PDE10A: variants seen among roughly 807,000 people sequenced by gnomAD.
PDE10A encodes the protein phosphodiesterase 10A, also known as cAMP and cAMP-inhibited cGMP 3',5'-cyclic phosphodiesterase 10A.
A neutral mutation model predicts 97.7 loss-of-function variants in PDE10A; 39 were observed. That is an observed-to-expected ratio of 0.40 (90% CI 0.31 to 0.52). The LOEUF (loss-of-function observed/expected upper bound fraction) is 0.52. Ranked by LOEUF, PDE10A falls within the 20% of genes least tolerant of loss-of-function variation. PDE10A has a pLI of 0.56. For missense variants in PDE10A, 731 were observed against 1,047.8 expected (o/e 0.70, Z 4.17); for synonymous variants, 371 against 376.8 (o/e 0.98, Z 0.18).
chr6:165,821,025 T>C (rs1779553219), intron 1 of PDE10A, among the ~76,000 whole-genome samples: 1 of 152,216 alleles, frequency 6.6e-6, no homozygotes, highest in African/African-American at 2.4e-5. Context: ...CTCAGAAACA[T>C]ACATTGCACG....
At chr6:165,872,141 G>A (rs1781221394) in intron 1 of PDE10A, among the ~76,000 whole-genome samples, 1 of 152,138 alleles carries the variant, frequency 6.6e-6, no homozygotes, top group Non-Finnish European at 1.5e-5. Flanking sequence ...AAACAACTTA[G>A]TACATGTTTC....
intron 1 of PDE10A, among the ~76,000 whole-genome samples, chr6:165,633,691 G>A (rs1467600629): frequency 1.3e-5 from 2 of 151,924 alleles, no homozygotes; most frequent in East Asian, 1.9e-4. Context: ...GCGGTGGCAC[G>A]ATCTCAGCTC....
chr6:165,642,733 C>T (rs1341414745), intron 1 of PDE10A, among the ~76,000 whole-genome samples: 1 of 152,204 alleles, frequency 6.6e-6, no homozygotes, highest in African/African-American at 2.4e-5. Flanking sequence ...CGCTACACAG[C>T]CTAGGTAATT....
chr6:165,895,480 C>G (rs1432018636), intron 1 of PDE10A, among the ~76,000 whole-genome samples: 1 of 152,214 alleles, frequency 6.6e-6, no homozygotes, highest in Non-Finnish European at 1.5e-5. Flanking sequence ...ACCTCAATCT[C>G]AGACTTCTGG....
Position 165,756,535 on chromosome 6 carries a change from T to C in PDE10A, c.-614-212967A>G, listed in dbSNP as rs1583043343. 4.6e-5 allele frequency among the ~76,000 whole-genome samples: 7 copies of C among 152,340 alleles called. 2 individuals are homozygous for C. The highest frequency in any genetic ancestry group is 4.6e-4 in the Admixed American group (7 of 15,310). ...GCTGTTTTGAATCATTGTATTTTTC[T>C]TTTAATATTGTATCTTTGAGATCTT... On this transcript the variant is annotated intron_variant, in intron 1 of 19. Transcript: ENST00000366882.
chr6:165,421,877 C>T (rs552750154), intron 10 of PDE10A, among the ~76,000 whole-genome samples: 2 of 152,254 alleles, frequency 1.3e-5, no homozygotes, highest in South Asian at 4.1e-4. Flanking sequence ...GCTTGGGCAA[C>T]ATGGCAAAAC....
chr6:165,431,312 T>C (rs1289149223), intron 8 of PDE10A, 110 bp downstream of exon 8: 6 of 577,318 alleles, frequency 1.0e-5, no homozygotes, highest in East Asian at 3.0e-5. Context: ...AATTGTAATA[T>C]CCCAAAATAA....
At chr6:165,356,154 A>G (rs537462708) in intron 18 of PDE10A, among the ~76,000 whole-genome samples, 1 of 152,278 alleles carries the variant, frequency 6.6e-6, no homozygotes, top group East Asian at 1.9e-4. Context: ...CCATGACTCA[A>G]TCACCGCTCA....
chr6:165,519,468 A>G (rs1200338866), intron 2 of PDE10A, among the ~76,000 whole-genome samples: 2 of 151,976 alleles, frequency 1.3e-5, no homozygotes, highest in African/African-American at 4.8e-5. Context: ...AGGAGAGGAA[A>G]AAAAAAAAAC....
intron 1 of PDE10A, among the ~76,000 whole-genome samples, chr6:165,782,549 T>C (rs1562734194): frequency 6.6e-6 from 1 of 152,198 alleles, no homozygotes; most frequent in Non-Finnish European, 1.5e-5. Flanking sequence ...TATTTTTCAT[T>C]TGACCTTCAG....
chr6:165,981,668 A>G lies in PDE10A; in HGVS notation c.-615+5861T>C, dbSNP rs1194752295. 3.9e-5 allele frequency among the ~76,000 whole-genome samples: 6 copies of G among 152,326 alleles called. No individual in the cohort carries two copies. The East Asian group carries it at 1.2e-3, about 29-fold the overall frequency. On this transcript the variant is annotated intron_variant, in intron 1 of 19. Transcript: ENST00000366882. The stretch of plus-strand genomic sequence containing the variant: ...GTAATGGCCTTTCTGGTTTGAAGCC[A>G]AAGAAACTATCACAAGAACTTTAAA...
At chr6:165,956,084 T>C (rs1784127398) in intron 1 of PDE10A, among the ~76,000 whole-genome samples, 1 of 152,226 alleles carries the variant, frequency 6.6e-6, no homozygotes, top group South Asian at 2.1e-4. Context: ...AACTTTAAAA[T>C]GTCTGATACT....
At chr6:165,767,190 G>T (rs1369558867) in intron 1 of PDE10A, among the ~76,000 whole-genome samples, 1 of 151,950 alleles carries the variant, frequency 6.6e-6, no homozygotes, top group African/African-American at 2.4e-5. Context: ...AGGTGGCACC[G>T]AAAAAAAGTG....
intron 18 of PDE10A, among the ~76,000 whole-genome samples, chr6:165,360,724 ACT>A (rs1171575681): frequency 6.6e-6 from 1 of 152,108 alleles, no homozygotes; most frequent in African/African-American, 2.4e-5. Flanking sequence ...TATTTGACTG[ACT>A]CTGTCTGTAA....
chr6:165,367,502 G>A (rs1251224929), intron 18 of PDE10A, among the ~76,000 whole-genome samples: 1 of 152,032 alleles, frequency 6.6e-6, no homozygotes, highest in African/African-American at 2.4e-5. Flanking sequence ...CTGAAGAAAT[G>A]TAATGCTTGA....
At chr6:165,788,008 T>C (rs544609901) in intron 1 of PDE10A, among the ~76,000 whole-genome samples, 17 of 152,340 alleles carry the variant, frequency 1.1e-4, no homozygotes, top group Admixed American at 3.3e-4. Context: ...GTGTGATGTA[T>C]AGACATTCAT....
intron 1 of PDE10A, among the ~76,000 whole-genome samples, chr6:165,589,909 A>T (rs2987295): frequency 0.8 from 121,993 of 152,182 alleles, 51,698 homozygotes; most frequent in Non-Finnish European, 0.95. Flanking sequence ...CTACCTTTAA[A>T]TATAAATTTC....
intron 19 of PDE10A, among the ~76,000 whole-genome samples, chr6:165,341,421 T>C (rs111903074): frequency 6.6e-6 from 1 of 152,358 alleles, no homozygotes; most frequent in African/African-American, 2.4e-5. Context: ...GTCTAGAATA[T>C]AGAAATCATA....
At chr6:165,615,457 G>A (rs1185596210) in intron 1 of PDE10A, among the ~76,000 whole-genome samples, 2 of 151,932 alleles carry the variant, frequency 1.3e-5, no homozygotes, top group Non-Finnish European at 2.9e-5. Context: ...ATTTTTCTAC[G>A]TGTGACAAAC....
Sources: gnomAD v4.1 joint callset for allele counts (sites outside exome capture counted in the v4.1 genomes callset) on GRCh38, gnomAD v4.1.1 for gene constraint, MANE v1.5 for transcripts, NCBI Gene and HGNC (gene_info 2026-07-23, HGNC 2026-07-21) for gene names.